Variants in DOCK8 observed in about 807,000 individuals in gnomAD.
The protein encoded by DOCK8 is dedicator of cytokinesis 8, also known as dedicator of cytokinesis protein 8.
A neutral mutation model predicts 245.6 loss-of-function variants in DOCK8; 141 were observed. The ratio of observed to expected loss-of-function variants is 0.57; its 90% CI spans 0.50 to 0.66. The LOEUF (loss-of-function observed/expected upper bound fraction) is 0.66. Among genes scored for constraint, DOCK8 ranks in the 30% least tolerant of loss-of-function variants. The pLI, the probability that DOCK8 is intolerant of heterozygous loss-of-function variation, is 0.00. For missense variants in DOCK8, 2,965 were observed against 2,603.4 expected, an observed-to-expected ratio of 1.14 and a Z score of -3.02; for synonymous variants, 1,168 against 970.2, an observed-to-expected ratio of 1.20 and a Z score of -3.79.
chr9:391,821 C>CTTTTT (rs373810616), intron 24 of DOCK8, among the ~76,000 whole-genome samples: 5 of 116,308 alleles, frequency 4.3e-5, no homozygotes, highest in African/African-American at 1.2e-4. Context: ...TTAAGTGAAT[C>CTTTTT]TTTTTTTTTT....
chr9:400,964 ACC>A (rs2055030736), intron 26 of DOCK8, among the ~76,000 whole-genome samples: 2 of 111,608 alleles, frequency 1.8e-5, no homozygotes, highest in Middle Eastern at 4.3e-3. Context: ...CACCACCACC[ACC>A]TCCTCCACCA....
At chr9:401,093 A>ACCTCTC (rs1564017607) in intron 26 of DOCK8, among the ~76,000 whole-genome samples, 1 of 149,160 alleles carries the variant, frequency 6.7e-6, no homozygotes, top group African/African-American at 2.5e-5. Flanking sequence ...CACCTCCACC[A>ACCTCTC]CCATCACCAC....
Position 399,275 on chromosome 9 carries a change from A to ACC in DOCK8, c.3234+20_3234+21dup, listed in dbSNP as rs3831174. On this transcript the variant is annotated intron_variant, in intron 26 of 47. Transcript: ENST00000432829. ...TTGCAGCCAGGTGAGTGTCCCCCCCACCCCCACCCCCGAGCGAGCCACTTG... is the reference window on the plus strand; with the variant it reads ...TTGCAGCCAGGTGAGTGTCCCCCCCACCCCCCCACCCCCGAGCGAGCCACTTG... 3.2e-6 allele frequency: 4 copies of ACC among 1,260,768 alleles called. No homozygotes were observed. Among genetic ancestry groups the ACC allele is most frequent in the South Asian group, 1.3e-5 (1 of 78,742 alleles). 78.1% of individuals were successfully genotyped at this position (1,260,768 alleles called of 1,614,324 possible). A position where few individuals can be genotyped will look rare whatever the true frequency, so the allele number is the denominator to read the frequency against.
At chr9:249,307 T>A (rs1024525087) in intron 1 of DOCK8, among the ~76,000 whole-genome samples, 2 of 152,110 alleles carry the variant, frequency 1.3e-5, no homozygotes, top group Non-Finnish European at 2.9e-5. Context: ...TGGAGTGAAG[T>A]CACCACCCAA....
At chr9:400,307 CCGT>C (rs1398135736) in intron 26 of DOCK8, among the ~76,000 whole-genome samples, 85 of 74,154 alleles carry the variant, frequency 1.1e-3, no homozygotes, top group Non-Finnish European at 1.8e-3. Flanking sequence ...ACCATCTTCA[CCGT>C]CACCACCACC....
intron 25 of DOCK8, 21 bp from the exon 26 acceptor site, chr9:399,125 G>T: frequency 6.2e-7 from 1 of 1,607,170 alleles, no homozygotes; most frequent in Non-Finnish European, 8.5e-7. Context: ...AAAATGATTT[G>T]GGTGTTTGTT....
intron 26 of DOCK8, among the ~76,000 whole-genome samples, chr9:400,078 A>ACCT (rs1284628400): frequency 1.8e-4 from 19 of 108,536 alleles, no homozygotes; most frequent in African/African-American, 7.8e-4. Context: ...CATCACCATC[A>ACCT]CCACCACCTC....
chr9:432,226 C>T lies in DOCK8; in HGVS notation c.4687C>T (p.Pro1563Ser). Residue 1563 changes from proline to serine, a missense_variant, in exon 37 of 48, where the codon CCA becomes TCA. Physicochemically the swap from Pro to Ser is moderately conservative, Grantham distance 74. Around this residue, in one of 3 missense-constraint regions of DOCK8, gnomAD observed 2,825 missense variants for 2,453.5 expected, o/e 1.15. Transcript: ENST00000432829. ...CCTGGCATCTTTGGTGGGAAGAGCA[C>T]CAGACTTTAATGAAGAGCACCTGAG... Reference protein sequence around the residue: ...MSLASLVGRAPDFNEEHLRRS... With the variant: ...MSLASLVGRASDFNEEHLRRS... 1 of 1,613,106 alleles carries T rather than the reference C, an allele frequency of 6.2e-7. No individual in the cohort carries two copies. The highest frequency in any genetic ancestry group is 8.5e-7 in the Non-Finnish European group (1 of 1,179,864).
At chr9:461,654 A>G (rs1481574682) in intron 46 of DOCK8, among the ~76,000 whole-genome samples, 2 of 141,064 alleles carry the variant, frequency 1.4e-5, no homozygotes, top group African/African-American at 5.4e-5. Context: ...CCATCTTCCC[A>G]CCTCAGCTTC....
At chr9:355,355 C>CGTG (rs1419034146) in intron 14 of DOCK8, among the ~76,000 whole-genome samples, 1 of 152,034 alleles carries the variant, frequency 6.6e-6, no homozygotes, top group African/African-American at 2.4e-5. Flanking sequence ...AGGCATGTGC[C>CGTG]ACCACGCCCA....
intron 1 of DOCK8, among the ~76,000 whole-genome samples, chr9:253,087 C>G (rs1198335103): frequency 6.6e-6 from 1 of 152,108 alleles, no homozygotes; most frequent in African/African-American, 2.4e-5. Flanking sequence ...GGACTGGACC[C>G]CAATTCCCAC....
intron 44 of DOCK8, among the ~76,000 whole-genome samples, chr9:448,166 C>T (rs1218515005): frequency 6.6e-6 from 1 of 152,150 alleles, no homozygotes; most frequent in Non-Finnish European, 1.5e-5. Flanking sequence ...GAACATGGCT[C>T]ACTGCAGCCT....
rs149908718 is a variant in DOCK8 at position 414,854 on chromosome 9, C to T, written c.3603C>T (p.Arg1201=). ...SLLSSHDLDP[R]CVKPEVKVKI... ...TAAGTTCTCACGACCTGGACCCACG[C>T]TGTGTCAAACCAGAGGTGAAGGTCA... Residue 1201 remains arginine (R), a synonymous_variant, in exon 29 of 48, where the codon CGC becomes CGT. Transcript: ENST00000432829. 1.9e-6 allele frequency: 3 copies of T among 1,614,240 alleles called. No homozygotes were observed. Among genetic ancestry groups the T allele is most frequent in the Non-Finnish European group, 2.5e-6 (3 of 1,180,032 alleles).
chr9:236,573 C>G (rs2047254436), intron 1 of DOCK8, among the ~76,000 whole-genome samples: 1 of 152,138 alleles, frequency 6.6e-6, no homozygotes, highest in Non-Finnish European at 1.5e-5. Flanking sequence ...CCACTAGTAC[C>G]TGTAGTAGGT....
At chr9:294,804 A>C (rs2049185628) in intron 4 of DOCK8, among the ~76,000 whole-genome samples, 1 of 152,236 alleles carries the variant, frequency 6.6e-6, no homozygotes, top group African/African-American at 2.4e-5. Flanking sequence ...AGTGAAATGG[A>C]ACAAACAATT....
chr9:242,852 C>T (rs1346060993), intron 1 of DOCK8, among the ~76,000 whole-genome samples: 2 of 151,766 alleles, frequency 1.3e-5, no homozygotes, highest in African/African-American at 4.8e-5. Context: ...TTTAGTTTCA[C>T]CTCAGATGAG....
At chr9:306,737 T>C (rs2049848830) in intron 5 of DOCK8, among the ~76,000 whole-genome samples, 1 of 152,146 alleles carries the variant, frequency 6.6e-6, no homozygotes, top group Non-Finnish European at 1.5e-5. Flanking sequence ...CTCATACTTT[T>C]TAATTAGCAT....
chr9:339,247 C>A, intron 13 of DOCK8, 148 bp downstream of exon 13: 1 of 748,246 alleles, frequency 1.3e-6, no homozygotes. Flanking sequence ...CTGAATTGTT[C>A]TATGTCTTTG....
intron 1 of DOCK8, among the ~76,000 whole-genome samples, chr9:258,942 T>C (rs1201884995): frequency 6.6e-6 from 1 of 152,056 alleles, no homozygotes; most frequent in Non-Finnish European, 1.5e-5. Context: ...TAAAAAGCTG[T>C]ATGTGTGTTT....
Sources: gnomAD v4.1 joint callset for allele counts (sites outside exome capture counted in the v4.1 genomes callset) on GRCh38, gnomAD v4.1.1 for gene constraint, gnomAD v4.1.1 regional missense constraint, MANE v1.5 for transcripts, NCBI Gene and HGNC (gene_info 2026-07-23, HGNC 2026-07-21) for gene names.